TGFA: variants seen among roughly 807,000 people sequenced by gnomAD.
TGFA encodes the protein protransforming growth factor alpha.
TGFA carries 12 observed loss-of-function variants against 21.7 expected under a neutral mutation model. The ratio of observed to expected loss-of-function variants is 0.55; its 90% CI spans 0.35 to 0.90. The LOEUF (loss-of-function observed/expected upper bound fraction) is 0.90. Among genes scored for constraint, TGFA ranks in the 40% least tolerant of loss-of-function variants. The pLI is 0.01. For synonymous variants in TGFA, 79 were observed against 88.1 expected, an observed-to-expected ratio of 0.90 and a Z score of 0.58; for missense variants, 178 against 210.8, an observed-to-expected ratio of 0.84 and a Z score of 0.96.
intron 1 of TGFA, among the ~76,000 whole-genome samples, chr2:70,525,376 C>T (rs1197846130): frequency 3.3e-5 from 5 of 152,154 alleles, no homozygotes; most frequent in African/African-American, 7.2e-5. Flanking sequence ...TTGCTAATCC[C>T]CACTGTCCAC....
At chr2:70,471,848 G>A (rs1237563540) in intron 2 of TGFA, among the ~76,000 whole-genome samples, 1 of 152,126 alleles carries the variant, frequency 6.6e-6, no homozygotes, top group Non-Finnish European at 1.5e-5. Context: ...GTAACTTAGA[G>A]TACCATCTCC....
chr2:70,489,532 A>G (rs1488542918), intron 2 of TGFA, among the ~76,000 whole-genome samples: 22 of 152,344 alleles, frequency 1.4e-4, no homozygotes, highest in African/African-American at 4.6e-4. Context: ...GCTCAAGGAC[A>G]AGAAAACCAT....
chr2:70,516,409 T>C (rs2863687), intron 1 of TGFA, among the ~76,000 whole-genome samples: 9,804 of 152,226 alleles, frequency 0.064, 1,062 homozygotes, highest in African/African-American at 0.22. Flanking sequence ...ATGCTCCCGA[T>C]GTTCCTTCCA....
chr2:70,504,442 A>ATATATATATATG (rs1671841689), intron 2 of TGFA, among the ~76,000 whole-genome samples: 1 of 75,730 alleles, frequency 1.3e-5, no homozygotes, highest in Non-Finnish European at 2.5e-5. Flanking sequence ...AAATATATAT[A>ATATATATATATG]TATATATATA....
intron 2 of TGFA, among the ~76,000 whole-genome samples, chr2:70,490,671 T>A (rs1671408634): frequency 6.6e-6 from 1 of 152,172 alleles, no homozygotes; most frequent in South Asian, 2.1e-4. Context: ...GAGTAAATAA[T>A]CAAGGGGGTA....
intron 2 of TGFA, chr2:70,467,613 T>G (rs1670608606): frequency 1.3e-5 from 2 of 152,154 alleles, no homozygotes; most frequent in South Asian, 4.1e-4. Context: ...CCTCTTATGC[T>G]TCTATTTTGG....
chr2:70,553,362 C>A, intron 1 of TGFA: 1 of 1,466,490 alleles, frequency 6.8e-7, no homozygotes, highest in South Asian at 1.4e-5. Flanking sequence ...ACGCCAGCGA[C>A]GCCGGCTGAG....
intron 2 of TGFA, among the ~76,000 whole-genome samples, chr2:70,503,429 T>TG (rs1671799507): frequency 6.4e-5 from 1 of 15,586 alleles, no homozygotes; most frequent in African/African-American, 2.6e-4. Flanking sequence ...TGTTGTGAGG[T>TG]GGGGGGAGGG....
At chr2:70,504,483 TACAC>T (rs58997765) in intron 2 of TGFA, among the ~76,000 whole-genome samples, 1,241 of 92,004 alleles carry the variant, frequency 0.013, 24 homozygotes, top group African/African-American at 0.036. Flanking sequence ...CATACATACA[TACAC>T]ACACACACAC....
chr2:70,482,121 T>C (rs2103758450), intron 2 of TGFA, among the ~76,000 whole-genome samples: 1 of 152,338 alleles, frequency 6.6e-6, no homozygotes, highest in African/African-American at 2.4e-5. Flanking sequence ...ATTTTTTTTT[T>C]TTTTAGTGCC....
chr2:70,521,606 G>GTTTTTTTTTTTTT (rs1559133439), intron 1 of TGFA, among the ~76,000 whole-genome samples: 2 of 98,266 alleles, frequency 2.0e-5, no homozygotes, highest in Admixed American at 1.2e-4. Context: ...TTTTTTTGTT[G>GTTTTTTTTTTTTT]TTGTTTGTTT....
intron 2 of TGFA, among the ~76,000 whole-genome samples, chr2:70,486,817 C>A (rs868938389): frequency 2.0e-4 from 30 of 152,042 alleles, no homozygotes; most frequent in African/African-American, 6.8e-4. Flanking sequence ...GGCTGGAGTG[C>A]AGTGGCACGA....
At chr2:70,500,730 A>G (rs568786339) in intron 2 of TGFA, among the ~76,000 whole-genome samples, 4 of 152,160 alleles carry the variant, frequency 2.6e-5, no homozygotes, top group African/African-American at 9.7e-5. Flanking sequence ...TCTCTCTCCT[A>G]GAAGAGCTGG....
At chr2:70,472,877 A>G (rs192697801) in intron 2 of TGFA, among the ~76,000 whole-genome samples, 16 of 152,342 alleles carry the variant, frequency 1.1e-4, no homozygotes, top group African/African-American at 3.1e-4. Context: ...CAATTTAATC[A>G]TGACGTCTGG....
At chr2:70,550,984 T>A (rs1329372711) in intron 1 of TGFA, among the ~76,000 whole-genome samples, 1 of 152,110 alleles carries the variant, frequency 6.6e-6, no homozygotes, top group Non-Finnish European at 1.5e-5. Context: ...GGAGATGAGA[T>A]AAACGAAAAC....
At chr2:70,525,774 C>T (rs1484852898) in intron 1 of TGFA, among the ~76,000 whole-genome samples, 2 of 152,140 alleles carry the variant, frequency 1.3e-5, no homozygotes. Flanking sequence ...GGGGTTCTTA[C>T]TGCTGGTAGC....
At chr2:70,518,928 G>C (rs1272364353) in intron 1 of TGFA, among the ~76,000 whole-genome samples, 1 of 152,186 alleles carries the variant, frequency 6.6e-6, no homozygotes, top group Non-Finnish European at 1.5e-5. Context: ...CCTTTCACCT[G>C]TTTGGGATCC....
intron 1 of TGFA, among the ~76,000 whole-genome samples, chr2:70,550,502 GAATT>G (rs1331476434): frequency 1.3e-5 from 2 of 151,676 alleles, no homozygotes; most frequent in Non-Finnish European, 2.9e-5. Flanking sequence ...AAATTAAAAA[GAATT>G]AAAGAATTCA....
intron 3 of TGFA, among the ~76,000 whole-genome samples, chr2:70,464,033 T>C (rs916994003): frequency 7.2e-5 from 11 of 152,138 alleles, no homozygotes; most frequent in Non-Finnish European, 1.5e-4. Flanking sequence ...CTCTCCTTCT[T>C]TCTCTCCAGG....
Sources: gnomAD v4.1 joint callset for allele counts (sites outside exome capture counted in the v4.1 genomes callset) on GRCh38, gnomAD v4.1.1 for gene constraint, MANE v1.5 for transcripts, NCBI Gene and HGNC (gene_info 2026-07-23, HGNC 2026-07-21) for gene names.